SPIN1: variants seen among roughly 807,000 people sequenced by gnomAD.
SPIN1 encodes spindlin 1.
SPIN1 carries 3 observed loss-of-function variants against 26.0 expected under a neutral mutation model. The observed-to-expected ratio is 0.12, with a 90% confidence interval of 0.05 to 0.30. The LOEUF (loss-of-function observed/expected upper bound fraction) is 0.30. Ranked by LOEUF, SPIN1 falls within the 10% of genes least tolerant of loss-of-function variation. SPIN1 has a pLI of 1.00. For missense variants in SPIN1, 126 were observed against 333.4 expected, an observed-to-expected ratio of 0.38 and a Z score of 4.84; for synonymous variants, 101 against 116.5, an observed-to-expected ratio of 0.87 and a Z score of 0.86.
rs1396596072 is a variant in SPIN1 at position 88,408,985 on chromosome 9, G to T, written c.-158-17397G>T. On this transcript the variant is annotated intron_variant, in intron 1 of 5. Transcript: ENST00000375859. ...CCCTTTTGTGTTTGTGTGTGTTTGT[G>T]TGTGTGTGTGTGTGTGTGTGTGTGT... Among the ~76,000 whole-genome samples, 3 of 137,740 alleles carry T rather than the reference G, an allele frequency of 2.2e-5. No homozygotes were observed. The East Asian group carries it at 7.0e-4, about 32-fold the overall frequency. The allele number at this position is 137,740 out of a possible 152,430, so 90.4% of individuals were successfully genotyped here. A position where few individuals can be genotyped will look rare whatever the true frequency, so the allele number is the denominator to read the frequency against.
chr9:88,399,239 G>A (rs1185394890), intron 1 of SPIN1, among the ~76,000 whole-genome samples: 1 of 151,890 alleles, frequency 6.6e-6, no homozygotes, highest in Non-Finnish European at 1.5e-5. Flanking sequence ...TCACCATGTT[G>A]GCCAGGCTGG....
At chr9:88,433,846 G>A (rs1247060696) in intron 2 of SPIN1, among the ~76,000 whole-genome samples, 1 of 151,858 alleles carries the variant, frequency 6.6e-6, no homozygotes, top group Non-Finnish European at 1.5e-5. Flanking sequence ...CTCACTTAAT[G>A]TCATCCATAA....
chr9:88,453,353 G>T (rs1828401045), intron 3 of SPIN1, among the ~76,000 whole-genome samples: 1 of 152,104 alleles, frequency 6.6e-6, no homozygotes, highest in South Asian at 2.1e-4. Context: ...ATGGTTCATG[G>T]ATTGGCTGCA....
Position 88,477,227 on chromosome 9 carries a change from C to T in SPIN1, c.*1950C>T, listed in dbSNP as rs1038902047. On this transcript the variant is annotated 3_prime_UTR_variant, in exon 6 of 6. Coordinates refer to ENST00000375859, the MANE Select transcript of SPIN1 (RefSeq NM_006717.3). Reference sequence around the variant, plus strand: ...CAAAGCTGAGCCTGGCTCCCAGAGTCCAGACTGACATTACAGCGCAAGAGT... The same window carrying T: ...CAAAGCTGAGCCTGGCTCCCAGAGTTCAGACTGACATTACAGCGCAAGAGT... The T allele has an allele frequency of 6.6e-6, 1 of 152,202 alleles. No homozygotes were observed. Among genetic ancestry groups the T allele is most frequent in the African/African-American group, 2.4e-5 (1 of 41,436 alleles). 9.4% of individuals were successfully genotyped at this position (152,202 alleles called of 1,614,324 possible). A position where few individuals can be genotyped will look rare whatever the true frequency, so the allele number is the denominator to read the frequency against.
intron 1 of SPIN1, among the ~76,000 whole-genome samples, chr9:88,399,009 C>T (rs1827129019): frequency 6.6e-6 from 1 of 150,854 alleles, no homozygotes; most frequent in Admixed American, 6.6e-5. Flanking sequence ...TGAGTTCACA[C>T]AGTGTAGGAG....
At chr9:88,471,577 C>T (rs140660844) in intron 5 of SPIN1, among the ~76,000 whole-genome samples, 6,759 of 144,944 alleles carry the variant, frequency 0.047, 548 homozygotes, top group African/African-American at 0.16. Flanking sequence ...ATCGCTTGAA[C>T]CTGGGAAGTG....
chr9:88,424,823 A>C (rs1043796083), intron 1 of SPIN1, among the ~76,000 whole-genome samples: 2 of 152,176 alleles, frequency 1.3e-5, no homozygotes, highest in Non-Finnish European at 2.9e-5. Flanking sequence ...CGGGAGGTTG[A>C]ATGGATCATA....
intron 3 of SPIN1, among the ~76,000 whole-genome samples, chr9:88,454,905 C>T (rs901824113): frequency 6.6e-6 from 1 of 152,120 alleles, no homozygotes; most frequent in Non-Finnish European, 1.5e-5. Context: ...TCTAATTACT[C>T]GTTTTTTGCC....
chr9:88,456,402 C>T (rs944760078), intron 3 of SPIN1, among the ~76,000 whole-genome samples: 1 of 152,024 alleles, frequency 6.6e-6, no homozygotes, highest in Non-Finnish European at 1.5e-5. Context: ...CTGGTGCCAA[C>T]AAGTAAATAA....
intron 1 of SPIN1, among the ~76,000 whole-genome samples, chr9:88,388,827 C>G (rs1337990921): frequency 1.3e-5 from 2 of 150,708 alleles, no homozygotes; most frequent in Admixed American, 1.3e-4. Flanking sequence ...CCGCCACCCT[C>G]TCGTCCCCAG....
In SPIN1 at chr9:88,475,308, A is replaced by G; in HGVS notation, c.*31A>G. On this transcript the variant is annotated 3_prime_UTR_variant, in exon 6 of 6. Coordinates refer to ENST00000375859, the MANE Select transcript of SPIN1 (RefSeq NM_006717.3). ...ATCACAAACTCTGCCAAATTTGTGG[A>G]ACTATGAAATGTATTATTTGTAGAC... 6.3e-7 allele frequency: 1 copy of G among 1,597,946 alleles called. No individual in the cohort carries two copies. Among genetic ancestry groups the G allele is most frequent in the Non-Finnish European group, 8.6e-7 (1 of 1,167,030 alleles).
chr9:88,421,466 C>T (rs1827665888), intron 1 of SPIN1, among the ~76,000 whole-genome samples: 1 of 152,072 alleles, frequency 6.6e-6, no homozygotes. Context: ...TGCACCACCA[C>T]CCACAGCTAT....
chr9:88,430,231 G>A (rs530410154), intron 2 of SPIN1, among the ~76,000 whole-genome samples: 1 of 152,172 alleles, frequency 6.6e-6, no homozygotes, highest in Admixed American at 6.5e-5. Flanking sequence ...CATCTCAAAG[G>A]CTTCTTCACT....
intron 5 of SPIN1, among the ~76,000 whole-genome samples, chr9:88,474,379 T>C (rs1828848621): frequency 6.6e-6 from 1 of 152,242 alleles, no homozygotes; most frequent in African/African-American, 2.4e-5. Context: ...TACATTAATC[T>C]TGGGGACCTT....
intron 1 of SPIN1, 60 bp from the exon 2 acceptor site, chr9:88,426,322 C>T (rs1028033914): frequency 7.3e-6 from 3 of 413,740 alleles, no homozygotes; most frequent in South Asian, 8.5e-5. Flanking sequence ...TTTAATGGCT[C>T]ACTAGGCATA....
At chr9:88,410,268 A>C (rs1276576347) in intron 1 of SPIN1, among the ~76,000 whole-genome samples, 1 of 151,686 alleles carries the variant, frequency 6.6e-6, no homozygotes, top group African/African-American at 2.4e-5. Context: ...GCATGGGTGC[A>C]AAAAAAATCT....
At chr9:88,441,987 T>A (rs1828143475) in intron 2 of SPIN1, among the ~76,000 whole-genome samples, 1 of 148,086 alleles carries the variant, frequency 6.8e-6, no homozygotes, top group Non-Finnish European at 1.5e-5. Context: ...AGTTTTGCTC[T>A]GTCACCCAGC....
intron 3 of SPIN1, among the ~76,000 whole-genome samples, chr9:88,454,493 G>GT (rs1230037375): frequency 5.3e-5 from 8 of 151,896 alleles, no homozygotes; most frequent in Admixed American, 1.3e-4. Context: ...TATTAATAGT[G>GT]TTTTTTTAAT....
chr9:88,446,661 G>C (rs1163355993), intron 2 of SPIN1, among the ~76,000 whole-genome samples: 1 of 152,052 alleles, frequency 6.6e-6, no homozygotes, highest in Non-Finnish European at 1.5e-5. Context: ...ACCCTCCTCT[G>C]TCTCCCAAAG....
Sources: gnomAD v4.1 joint callset for allele counts (sites outside exome capture counted in the v4.1 genomes callset) on GRCh38, gnomAD v4.1.1 for gene constraint, MANE v1.5 for transcripts, NCBI Gene and HGNC (gene_info 2026-07-23, HGNC 2026-07-21) for gene names.